Variants in ATF1 observed in about 807,000 individuals in gnomAD.
ATF1 encodes activating transcription factor 1, also known as cyclic AMP-dependent transcription factor ATF-1.
A neutral mutation model predicts 34.7 loss-of-function variants in ATF1; 16 were observed. That is an observed-to-expected ratio of 0.46 (90% CI 0.31 to 0.70). The LOEUF (loss-of-function observed/expected upper bound fraction) is 0.70, where lower values mean the gene tolerates loss of function less well. ATF1 is among the 30% of genes least tolerant of loss of function. The pLI, the probability that ATF1 is intolerant of heterozygous loss-of-function variation, is 0.05. For missense variants in ATF1, 255 were observed against 321.6 expected (o/e 0.79, Z 1.58); for synonymous variants, 105 against 113.1 (o/e 0.93, Z 0.46).
At chr12:50,764,978 T>A (rs1940596079) in intron 1 of ATF1, among the ~76,000 whole-genome samples, 1 of 152,220 alleles carries the variant, frequency 6.6e-6, no homozygotes, top group Admixed American at 6.5e-5. Flanking sequence ...CGAGGGTGAC[T>A]TTCTCTTTGA....
intron 3 of ATF1, among the ~76,000 whole-genome samples, chr12:50,807,267 T>C (rs1195320757): frequency 6.6e-6 from 1 of 151,708 alleles, no homozygotes; most frequent in African/African-American, 2.4e-5. Flanking sequence ...TAGCCAGGTA[T>C]GATGGCGTGT....
intron 3 of ATF1, among the ~76,000 whole-genome samples, chr12:50,800,278 T>G (rs1345241651): frequency 6.6e-6 from 1 of 152,216 alleles, no homozygotes; most frequent in Non-Finnish European, 1.5e-5. Flanking sequence ...GAAAACATCC[T>G]TCAGACTTGG....
In ATF1 at chr12:50,793,612, G is replaced by A. The variant is rs890459785; in HGVS notation, c.94-2297G>A. Among the ~76,000 whole-genome samples the A allele has an allele frequency of 1.8e-4, 25 of 141,132 alleles. No individual in the cohort carries two copies. The East Asian group carries it at 1.8e-3, about 10-fold the overall frequency. The allele number at this position is 141,132 out of a possible 152,430, so 92.6% of individuals were successfully genotyped here. ...TGTGCTATTGCACTCCAGCCTGGGC[G>A]ACAAGAGCAAGACTCCATCTCAAAA... On this transcript the variant is annotated intron_variant, in intron 2 of 6. Coordinates refer to ENST00000262053, the MANE Select transcript of ATF1 (RefSeq NM_005171.5).
At chr12:50,812,701 A>G (rs1286137266) in intron 4 of ATF1, among the ~76,000 whole-genome samples, 1 of 151,972 alleles carries the variant, frequency 6.6e-6, no homozygotes, top group Non-Finnish European at 1.5e-5. Flanking sequence ...GTGTGCATCT[A>G]TAGTTCCAGC....
intron 1 of ATF1, among the ~76,000 whole-genome samples, chr12:50,768,576 A>T (rs1181139674): frequency 1.3e-5 from 2 of 152,156 alleles, no homozygotes; most frequent in Non-Finnish European, 2.9e-5. Flanking sequence ...AAATCTTACA[A>T]CCACTGTTAT....
chr12:50,789,911 G>A (rs1244215098), intron 2 of ATF1, among the ~76,000 whole-genome samples: 1 of 152,132 alleles, frequency 6.6e-6, no homozygotes, highest in Non-Finnish European at 1.5e-5. Context: ...GAGGTTAGAC[G>A]AACCGTAGTA....
chr12:50,809,818 A>G (rs1359854566), intron 4 of ATF1, among the ~76,000 whole-genome samples: 2 of 139,408 alleles, frequency 1.4e-5, no homozygotes, highest in East Asian at 4.7e-4. Context: ...AACATTAGAT[A>G]CTGTTTTGTT....
intron 1 of ATF1, among the ~76,000 whole-genome samples, chr12:50,775,242 T>C (rs569222101): frequency 2.0e-5 from 3 of 152,234 alleles, no homozygotes; most frequent in East Asian, 3.9e-4. Flanking sequence ...CTGTTAGTTA[T>C]CTTTTTTGTA....
At chr12:50,812,570 G>A (rs764313760) in intron 4 of ATF1, among the ~76,000 whole-genome samples, 4 of 152,146 alleles carry the variant, frequency 2.6e-5, no homozygotes, top group Non-Finnish European at 4.4e-5. Flanking sequence ...GTTGGATCAC[G>A]CCTGTAATCC....
intron 3 of ATF1, among the ~76,000 whole-genome samples, chr12:50,799,307 C>T (rs746621855): frequency 6.6e-6 from 1 of 152,110 alleles, no homozygotes. Flanking sequence ...ATCACTTGAG[C>T]CCAGGAGGTT....
intron 3 of ATF1, among the ~76,000 whole-genome samples, chr12:50,805,252 A>G (rs927810784): frequency 3.7e-4 from 56 of 151,890 alleles, no homozygotes; most frequent in Admixed American, 1.3e-3. Context: ...CTGGAATTAG[A>G]GTAGAATAAT....
rs114599349 is a variant in ATF1, at chr12:50,794,591, G to A, written c.94-1318G>A. Among the ~76,000 whole-genome samples the A allele has an allele frequency of 2.4e-3, 359 of 151,462 alleles. 3 individuals carry two copies. The highest frequency in any genetic ancestry group is 8.1e-3 in the African/African-American group (336 of 41,312). The stretch of plus-strand genomic sequence containing the variant: ...AAAAAAAAAAAATTCAGATGAAGTC[G>A]GATATCACAATCTAACTTTGGACAA... On this transcript the variant is annotated intron_variant, in intron 2 of 6. Coordinates refer to ENST00000262053, the MANE Select transcript of ATF1 (RefSeq NM_005171.5).
chr12:50,819,528 T>C, intron 6 of ATF1, 107 bp from the exon 7 acceptor site: 3 of 1,271,102 alleles, frequency 2.4e-6, no homozygotes, highest in Middle Eastern at 5.5e-4. Context: ...GTGTAGATGA[T>C]ACTTTAAAGA....
intron 2 of ATF1, among the ~76,000 whole-genome samples, chr12:50,790,353 C>T (rs775721531): frequency 9.2e-5 from 14 of 152,054 alleles, no homozygotes; most frequent in Non-Finnish European, 2.1e-4. Flanking sequence ...GATAGGCATG[C>T]GCTGCCAAAC....
rs377587785 is a variant in ATF1, at chr12:50,809,601, A to T, written c.328+12A>T. ...CAGCGGACAGTACAGTATGTATAGGAATCAGTTTCCACATTATAAACACAC... is the reference window on the plus strand; with the variant it reads ...CAGCGGACAGTACAGTATGTATAGGTATCAGTTTCCACATTATAAACACAC... On this transcript the variant is annotated intron_variant, in intron 4 of 6. Transcript: ENST00000262053. 3.8e-6 allele frequency: 6 copies of T among 1,598,752 alleles called. No homozygotes were observed. Among genetic ancestry groups the T allele is most frequent in the Non-Finnish European group, 5.1e-6 (6 of 1,172,442 alleles).
At chr12:50,809,431 A>G (rs377455262) in intron 3 of ATF1, 25 bp from the exon 4 acceptor site, 3 of 1,489,252 alleles carry the variant, frequency 2.0e-6, no homozygotes, top group East Asian at 4.6e-5. Context: ...ACCAATGTTT[A>G]ATAGAGTTCT....
At chr12:50,805,429 A>G in intron 3 of ATF1, among the ~76,000 whole-genome samples, 1 of 151,772 alleles carries the variant, frequency 6.6e-6, no homozygotes. Flanking sequence ...GTGGTAGTGC[A>G]TGCCTGTAGT....
At chr12:50,810,219 CTT>C (rs34461103) in intron 4 of ATF1, among the ~76,000 whole-genome samples, 7 of 127,402 alleles carry the variant, frequency 5.5e-5, no homozygotes, top group Non-Finnish European at 6.6e-5. Flanking sequence ...ACATTCCTGG[CTT>C]TTTTTTTTTT....
intron 2 of ATF1, among the ~76,000 whole-genome samples, chr12:50,780,491 T>G: frequency 6.6e-6 from 1 of 151,618 alleles, no homozygotes; most frequent in Non-Finnish European, 1.5e-5. Flanking sequence ...ACTACAGGCA[T>G]CTGCCACCAC....
Sources: gnomAD v4.1 joint callset for allele counts (sites outside exome capture counted in the v4.1 genomes callset) on GRCh38, gnomAD v4.1.1 for gene constraint, MANE v1.5 for transcripts, NCBI Gene and HGNC (gene_info 2026-07-23, HGNC 2026-07-21) for gene names.